FBP1: variants seen among roughly 807,000 people sequenced by gnomAD.
FBP1 encodes fructose-1,6-bisphosphatase 1.
In FBP1, 22 loss-of-function variants were observed where a neutral mutation model predicts 29.9. That is an observed-to-expected ratio of 0.74 (90% CI 0.53 to 1.05). The LOEUF is 1.05. Ranked by LOEUF, FBP1 falls within the 50% of genes least tolerant of loss-of-function variation. FBP1 has a pLI of 0.00. For missense variants in FBP1, 345 were observed against 448.2 expected (o/e 0.77, Z 2.08); for synonymous variants, 175 against 178.6 (o/e 0.98, Z 0.16).
chr9:94,637,363 T>C (rs1251458039), intron 1 of FBP1, among the ~76,000 whole-genome samples: 2 of 151,440 alleles, frequency 1.3e-5, no homozygotes, highest in African/African-American at 2.4e-5. Context: ...AGTAGCAGGG[T>C]TGTATTTGTT....
At chr9:94,628,152 C>T (rs748688481) in intron 1 of FBP1, among the ~76,000 whole-genome samples, 14 of 152,176 alleles carry the variant, frequency 9.2e-5, no homozygotes, top group Non-Finnish European at 1.5e-4. Flanking sequence ...TTTGGGAGGC[C>T]AAGGCATGTG....
At chr9:94,605,355 A>G in intron 6 of FBP1, 102 bp downstream of exon 6, 9 of 1,236,716 alleles carry the variant, frequency 7.3e-6, no homozygotes, top group Non-Finnish European at 8.1e-6. Flanking sequence ...GCAACCTAGC[A>G]TGGAGCGTAA....
At chr9:94,620,079 G>A (rs936652869) in intron 2 of FBP1, among the ~76,000 whole-genome samples, 12 of 152,194 alleles carry the variant, frequency 7.9e-5, no homozygotes, top group African/African-American at 2.6e-4. Context: ...GCAATAAAAA[G>A]TTAGAAATGG....
chr9:94,606,819 G>A lies in FBP1; in HGVS notation c.701C>T (p.Pro234Leu). 1.9e-6 allele frequency: 3 copies of A among 1,613,696 alleles called. No homozygotes were observed. Among genetic ancestry groups the A allele is most frequent in the Non-Finnish European group, 2.5e-6 (3 of 1,179,766 alleles). ...CCTCCCCGGGCCCTCACTTACTGGG[G>A]GGAACTTCTTCCTCTGGATGTACTC... ...VTEYIQRKKF[P>L]PDNSAPYGAR... The change falls in exon 5 of 7, where the codon CCC becomes CTC. Residue 234 changes from proline to leucine, a missense_variant. Transcript: ENST00000375326.
chr9:94,626,943 C>T (rs148051785), intron 1 of FBP1, among the ~76,000 whole-genome samples: 2 of 152,068 alleles, frequency 1.3e-5, no homozygotes, highest in African/African-American at 2.4e-5. Context: ...AATCCCAACA[C>T]TTTGGGAGGC....
Position 94,620,511 on chromosome 9 carries a change from C to G in FBP1, c.171-20G>C. The G allele has an allele frequency of 6.2e-7, 1 of 1,613,006 alleles. No homozygotes were observed. Among genetic ancestry groups the G allele is most frequent in the Non-Finnish European group, 8.5e-7 (1 of 1,179,492 alleles). ...CCATAGCTACAGGGAACAAAAGCCA[C>G]AAAAAATAAGCCATGACCACCAGAA... On this transcript the variant is annotated intron_variant, in intron 1 of 6. Transcript: ENST00000375326.
At chr9:94,607,059 G>T in intron 4 of FBP1, 107 bp from the exon 5 acceptor site, 2 of 1,462,390 alleles carry the variant, frequency 1.4e-6, no homozygotes, top group Non-Finnish European at 1.9e-6. Context: ...GGGTCGCGGC[G>T]CACGGGCACC....
rs1827640877 is a variant in FBP1 at position 94,603,432 on chromosome 9, G to A, written c.966C>T (p.Pro322=). 1.9e-6 allele frequency: 3 copies of A among 1,613,800 alleles called. No homozygotes were observed. The highest frequency in any genetic ancestry group is 1.3e-5 in the African/African-American group (1 of 75,002). The stretch of plus-strand genomic sequence containing the variant: ...CCTTCAGGAACTCGAGCACGTCGTC[G>A]GGGGATCCCAAGATCACCGGCGCCC... ...HQRAPVILGS[P]DDVLEFLKVY... is the part of the protein sequence containing the mutation. Residue 322 remains proline, a synonymous_variant, in exon 7 of 7, where the codon CCC becomes CCT. Transcript: ENST00000375326.
At chr9:94,623,945 G>A (rs1827984000) in intron 1 of FBP1, among the ~76,000 whole-genome samples, 1 of 152,238 alleles carries the variant, frequency 6.6e-6, no homozygotes, top group African/African-American at 2.4e-5. Flanking sequence ...GGTGACAGGA[G>A]AGGGAGATGA....
chr9:94,613,095 G>A (rs1827809265), intron 3 of FBP1, among the ~76,000 whole-genome samples: 1 of 152,182 alleles, frequency 6.6e-6, no homozygotes, highest in South Asian at 2.1e-4. Flanking sequence ...TGGGGGAGGA[G>A]AGACTGTCAC....
intron 1 of FBP1, among the ~76,000 whole-genome samples, chr9:94,622,214 G>A (rs776238179): frequency 1.4e-4 from 22 of 152,212 alleles, no homozygotes; most frequent in African/African-American, 3.9e-4. Flanking sequence ...TTACAGAAGC[G>A]GCAGGTTGTC....
intron 1 of FBP1, among the ~76,000 whole-genome samples, chr9:94,628,441 C>A (rs1332297306): frequency 6.6e-6 from 1 of 152,000 alleles, no homozygotes; most frequent in Admixed American, 6.6e-5. Context: ...TTTTCTCCAC[C>A]TTTTCTGTAT....
chr9:94,638,841 G>T (rs28382861), intron 1 of FBP1, among the ~76,000 whole-genome samples: 9,988 of 152,184 alleles, frequency 0.066, 1,132 homozygotes, highest in African/African-American at 0.23. Flanking sequence ...GCTGAGAGGG[G>T]TACGAGGCAG....
chr9:94,634,583 A>C (rs1828163053), intron 1 of FBP1, among the ~76,000 whole-genome samples: 1 of 152,204 alleles, frequency 6.6e-6, no homozygotes, highest in Admixed American at 6.5e-5. Context: ...CAACACTCGA[A>C]TTTGACATTT....
At chr9:94,605,229 G>A (rs28369762) in intron 6 of FBP1, among the ~76,000 whole-genome samples, 105 of 152,276 alleles carry the variant, frequency 6.9e-4, no homozygotes, top group African/African-American at 2.4e-3. Context: ...CGTCCTGACC[G>A]TTCATTCTCT....
chr9:94,617,731 T>A, intron 3 of FBP1, 37 bp downstream of exon 3: 1 of 1,376,628 alleles, frequency 7.3e-7, no homozygotes, highest in Non-Finnish European at 1.0e-6. Flanking sequence ...TCTTAACTTC[T>A]GTCCCCAAAC....
At chr9:94,609,235 G>A (rs2131475947) in intron 4 of FBP1, among the ~76,000 whole-genome samples, 1 of 151,978 alleles carries the variant, frequency 6.6e-6, no homozygotes, top group South Asian at 2.1e-4. Flanking sequence ...GTTAACTGAA[G>A]GTTTGTGTAA....
chr9:94,626,330 G>C (rs1828025746), intron 1 of FBP1, among the ~76,000 whole-genome samples: 1 of 152,216 alleles, frequency 6.6e-6, no homozygotes, highest in Non-Finnish European at 1.5e-5. Flanking sequence ...TCCTAAGGTA[G>C]AAACAGTGGG....
chr9:94,605,673 C>T (rs959989064), intron 5 of FBP1, 97 bp from the exon 6 acceptor site: 37 of 1,196,430 alleles, frequency 3.1e-5, no homozygotes, highest in African/African-American at 1.2e-4. Flanking sequence ...ATCCATTCAC[C>T]GAGCACCTAC....
Sources: gnomAD v4.1 joint callset for allele counts (sites outside exome capture counted in the v4.1 genomes callset) on GRCh38, gnomAD v4.1.1 for gene constraint, MANE v1.5 for transcripts, NCBI Gene and HGNC (gene_info 2026-07-23, HGNC 2026-07-21) for gene names.